The following TTC17 variants were observed in gnomAD, a reference collection of about 807,000 sequenced individuals.
The protein encoded by TTC17 is tetratricopeptide repeat domain 17.
In TTC17, 58 loss-of-function variants were observed where a neutral mutation model predicts 143.8. The observed-to-expected ratio is 0.40, with a 90% CI of 0.33 to 0.50. TTC17 has a LOEUF of 0.50. Ranked by LOEUF, TTC17 falls within the 20% of genes least tolerant of loss-of-function variation. TTC17 has a pLI of 0.49. For synonymous variants in TTC17, 501 were observed against 497.8 expected (o/e 1.01, Z -0.09); for missense variants, 1,273 against 1,392.5 (o/e 0.91, Z 1.37).
At chr11:43,384,427 G>A (rs1014392087) in intron 2 of TTC17, among the ~76,000 whole-genome samples, 6 of 152,132 alleles carry the variant, frequency 3.9e-5, no homozygotes, top group South Asian at 2.1e-4. Context: ...GGGTCGAGGC[G>A]GGCAGATTGC....
At chr11:43,448,571 G>C in intron 19 of TTC17, 1 of 155,068 alleles carries the variant, frequency 6.4e-6, no homozygotes, top group Non-Finnish European at 1.4e-5. Flanking sequence ...CCCTTTAAGT[G>C]TTGGAGTTCC....
intron 13 of TTC17, among the ~76,000 whole-genome samples, chr11:43,406,402 T>C (rs1858133928): frequency 6.6e-6 from 1 of 152,204 alleles, no homozygotes; most frequent in Non-Finnish European, 1.5e-5. Flanking sequence ...TGATAATGAC[T>C]CTGCAAACAT....
chr11:43,403,921 T>C (rs1187266735), intron 10 of TTC17, 77 bp from the exon 11 acceptor site: 4 of 1,304,932 alleles, frequency 3.1e-6, no homozygotes, highest in Admixed American at 2.8e-5. Context: ...TCACTCGCTT[T>C]TTTGGTGTGA....
intron 16 of TTC17, among the ~76,000 whole-genome samples, chr11:43,416,742 T>C (rs1946788565): frequency 1.3e-5 from 2 of 152,102 alleles, no homozygotes; most frequent in Admixed American, 6.5e-5. Flanking sequence ...CCTTTTACAT[T>C]GTAATTAATT....
chr11:43,397,336 G>C lies in TTC17; in HGVS notation c.774-11G>C, dbSNP rs1857635645. 2 of 1,602,996 alleles carry C rather than the reference G, an allele frequency of 1.2e-6. No individual in the cohort carries two copies. Among genetic ancestry groups the C allele is most frequent in the African/African-American group, 1.3e-5 (1 of 74,828 alleles). On this transcript the variant is annotated splice_polypyrimidine_tract_variant and intron_variant, in intron 6 of 23. Coordinates refer to ENST00000039989, the MANE Select transcript of TTC17 (RefSeq NM_018259.6). ...TCTACATAATCATGGAATATGTGCT[G>C]CTTTCCTTAGGCACAATAAAGACAT...
At chr11:43,411,072 ATGT>A (rs1463730220) in intron 15 of TTC17, among the ~76,000 whole-genome samples, 2 of 152,162 alleles carry the variant, frequency 1.3e-5, no homozygotes, top group Non-Finnish European at 2.9e-5. Flanking sequence ...AAAAAGTCAA[ATGT>A]TGTTATTTGT....
intron 16 of TTC17, among the ~76,000 whole-genome samples, chr11:43,433,502 G>A (rs1377198524): frequency 6.6e-6 from 1 of 152,006 alleles, no homozygotes; most frequent in African/African-American, 2.4e-5. Context: ...CCCCAATTTT[G>A]TGAATTTGAG....
chr11:43,419,678 A>G (rs1275377648), intron 16 of TTC17, among the ~76,000 whole-genome samples: 1 of 152,124 alleles, frequency 6.6e-6, no homozygotes, highest in African/African-American at 2.4e-5. Flanking sequence ...TATAGACCCA[A>G]TTTTAATAGT....
rs955831360 is a variant in TTC17 at position 43,436,440 on chromosome 11, CATTAT to C, written c.2252-6881_2252-6877del. Reference sequence around the variant, plus strand: ...AGAATTTGTTTTCTTCTTTAACAATCATTATATTGTAGCATCATGAGGGTGACCCC... The same window carrying C: ...AGAATTTGTTTTCTTCTTTAACAATCATTGTAGCATCATGAGGGTGACCCC... On this transcript the variant is annotated intron_variant, in intron 16 of 23. Coordinates refer to ENST00000039989, the MANE Select transcript of TTC17 (RefSeq NM_018259.6). The C allele has an allele frequency of 2.8e-6, 3 of 1,056,946 alleles. No homozygotes were observed. The African/African-American group carries it at 4.9e-5, about 17-fold the overall frequency. 65.5% of individuals were successfully genotyped at this position (1,056,946 alleles called of 1,614,324 possible).
chr11:43,387,025 C>T (rs192483400), intron 2 of TTC17, among the ~76,000 whole-genome samples: 1 of 152,224 alleles, frequency 6.6e-6, no homozygotes, highest in Non-Finnish European at 1.5e-5. Context: ...CTCAAGTGAT[C>T]CTCTAGGCTT....
chr11:43,425,431 A>G (rs766342411), intron 16 of TTC17, among the ~76,000 whole-genome samples: 3 of 152,158 alleles, frequency 2.0e-5, no homozygotes, highest in Non-Finnish European at 4.4e-5. Flanking sequence ...GCCTCAGAAA[A>G]TTATGTTTGC....
At chr11:43,372,683 G>GT (rs1055656010) in intron 1 of TTC17, among the ~76,000 whole-genome samples, 1 of 151,848 alleles carries the variant, frequency 6.6e-6, no homozygotes, top group Non-Finnish European at 1.5e-5. Flanking sequence ...TAGAGATGGG[G>GT]TTTCACCATG....
chr11:43,460,725 C>G (rs1283091546), intron 21 of TTC17, among the ~76,000 whole-genome samples: 2 of 152,184 alleles, frequency 1.3e-5, no homozygotes, highest in Non-Finnish European at 2.9e-5. Context: ...TGTGGGGACT[C>G]CACCAAAGAT....
At chr11:43,376,617 C>A (rs1438689925) in intron 1 of TTC17, among the ~76,000 whole-genome samples, 1 of 152,138 alleles carries the variant, frequency 6.6e-6, no homozygotes. Flanking sequence ...CTTACAGCAG[C>A]CTCTTTTCAA....
At chr11:43,456,683 C>G (rs367872986) in intron 21 of TTC17, among the ~76,000 whole-genome samples, 4 of 152,224 alleles carry the variant, frequency 2.6e-5, no homozygotes, top group African/African-American at 9.6e-5. Flanking sequence ...TGCCTATGCC[C>G]CCAGCACTTG....
intron 1 of TTC17, among the ~76,000 whole-genome samples, chr11:43,359,765 G>A (rs988359475): frequency 1.3e-5 from 2 of 152,178 alleles, no homozygotes; most frequent in African/African-American, 4.8e-5. Flanking sequence ...TACTGCCCTC[G>A]TTTCCCAGTG....
chr11:43,411,522 T>C (rs1396688406), intron 15 of TTC17, among the ~76,000 whole-genome samples: 1 of 151,932 alleles, frequency 6.6e-6, no homozygotes, highest in Non-Finnish European at 1.5e-5. Flanking sequence ...GACTGTAAGG[T>C]CTATGAAGGC....
chr11:43,377,594 A>G (rs947422040), intron 1 of TTC17, among the ~76,000 whole-genome samples: 11 of 152,240 alleles, frequency 7.2e-5, no homozygotes, highest in East Asian at 1.9e-4. Flanking sequence ...CACCTCAAAA[A>G]GAGAAACACA....
intron 1 of TTC17, among the ~76,000 whole-genome samples, chr11:43,377,806 C>T (rs1454319025): frequency 6.6e-6 from 1 of 152,152 alleles, no homozygotes; most frequent in East Asian, 1.9e-4. Flanking sequence ...TTAAATAGTT[C>T]TTTCAATCTT....
Sources: gnomAD v4.1 joint callset for allele counts (sites outside exome capture counted in the v4.1 genomes callset) on GRCh38, gnomAD v4.1.1 for gene constraint, MANE v1.5 for transcripts, NCBI Gene and HGNC (gene_info 2026-07-23, HGNC 2026-07-21) for gene names.